Variants in SHISA9 observed in about 807,000 individuals in gnomAD.
SHISA9 encodes the protein protein shisa-9.
Under a neutral mutation model 38.0 loss-of-function variants are expected in SHISA9, and 13 were observed. The ratio of observed to expected loss-of-function variants is 0.34; its 90% CI spans 0.22 to 0.54. The LOEUF is 0.54. SHISA9 is among the 20% of genes least tolerant of loss of function. The pLI, the probability that SHISA9 is intolerant of heterozygous loss-of-function variation, is 0.91. For missense variants in SHISA9, 538 were observed against 575.8 expected (o/e 0.93, Z 0.67); for synonymous variants, 275 against 242.0 (o/e 1.14, Z -1.27).
intron 2 of SHISA9, among the ~76,000 whole-genome samples, chr16:13,192,694 T>C (rs1474656435): frequency 1.3e-5 from 2 of 152,002 alleles, no homozygotes; most frequent in African/African-American, 4.8e-5. Context: ...ACTAACACGG[T>C]GAAACCCCAT....
chr16:13,113,033 A>G (rs928486557), intron 2 of SHISA9, among the ~76,000 whole-genome samples: 1 of 151,780 alleles, frequency 6.6e-6, no homozygotes, highest in African/African-American at 2.4e-5. Flanking sequence ...AACATGGTAA[A>G]ACCCCATCTC....
the SHISA9 span, among the ~76,000 whole-genome samples, chr16:13,342,792 C>T: frequency 6.6e-6 from 1 of 152,172 alleles, no homozygotes; most frequent in Non-Finnish European, 1.5e-5. Flanking sequence ...GCCATCTACT[C>T]AATGTTCTTG....
chr16:13,028,597 C>G (rs774473438), intron 2 of SHISA9, among the ~76,000 whole-genome samples: 4 of 152,150 alleles, frequency 2.6e-5, no homozygotes, highest in Non-Finnish European at 5.9e-5. Context: ...TCAATTATCT[C>G]CTACCGGGTC....
the SHISA9 span, among the ~76,000 whole-genome samples, chr16:13,546,139 A>G: frequency 6.6e-6 from 1 of 152,208 alleles, no homozygotes. Flanking sequence ...AAAGGAAATC[A>G]GTAATCAGAA....
At chr16:12,951,656 G>GA (rs563543430) in intron 2 of SHISA9, among the ~76,000 whole-genome samples, 197 of 152,256 alleles carry the variant, frequency 1.3e-3, no homozygotes, top group African/African-American at 4.5e-3. Flanking sequence ...CACCTGCCTG[G>GA]TAAAAGGATC....
the SHISA9 span, among the ~76,000 whole-genome samples, chr16:13,486,535 A>G: frequency 3.9e-5 from 6 of 152,216 alleles, no homozygotes; most frequent in South Asian, 1.0e-3. Context: ...TCGCCAACAC[A>G]TTTTTACTCC....
chr16:13,510,757 T>C, the SHISA9 span, among the ~76,000 whole-genome samples: 4 of 152,080 alleles, frequency 2.6e-5, no homozygotes, highest in African/African-American at 9.7e-5. Flanking sequence ...CTTTATTCTG[T>C]GTAGTTTATT....
At chr16:13,253,384 A>T in the SHISA9 span, among the ~76,000 whole-genome samples, 1 of 152,132 alleles carries the variant, frequency 6.6e-6, no homozygotes, top group East Asian at 1.9e-4. Flanking sequence ...CAAAGGTACA[A>T]GGGAGATGGC....
chr16:13,032,504 G>C (rs1300756127), intron 2 of SHISA9, among the ~76,000 whole-genome samples: 1 of 152,106 alleles, frequency 6.6e-6, no homozygotes, highest in Non-Finnish European at 1.5e-5. Flanking sequence ...TTTGAATGGT[G>C]TGCCCCTAAC....
In SHISA9 at chr16:13,235,112, C is replaced by T. The variant is rs1013951152; in HGVS notation, c.978C>T (p.Pro326=). ...LAAKGNLPLH[P]VRVEDEPRAF... ...CCAAGGGGAACTTACCTCTGCACCC[C>T]GTAAGAGTGGAGGACGAGCCCCGGG... Residue 326 remains proline, a synonymous_variant, in exon 5 of 5, where the codon CCC becomes CCT. Coordinates refer to ENST00000558583, the MANE Select transcript of SHISA9 (RefSeq NM_001145204.3). 96 of 1,551,538 alleles carry T rather than the reference C, an allele frequency of 6.2e-5. No homozygotes were observed. The highest frequency in any genetic ancestry group is 7.9e-5 in the Non-Finnish European group (91 of 1,146,994).
In SHISA9 at chr16:13,168,711, A is replaced by G. The variant is rs150275219; in HGVS notation, c.692-34683A>G. On this transcript the variant is annotated intron_variant, in intron 2 of 4. Transcript: ENST00000558583. ...ATCTCATCAGCACCTAGTTTCTCGTATTCTGCATTCTCTAGCAGGCTAGGA... is the reference window on the plus strand; with the variant it reads ...ATCTCATCAGCACCTAGTTTCTCGTGTTCTGCATTCTCTAGCAGGCTAGGA... Among the ~76,000 whole-genome samples the G allele has an allele frequency of 1.8e-4, 27 of 152,346 alleles. No homozygotes were observed. In the East Asian group the frequency reaches 5.0e-3, roughly 28 times the overall value.
chr16:12,982,455 G>A (rs2072251586), intron 2 of SHISA9, among the ~76,000 whole-genome samples: 2 of 152,172 alleles, frequency 1.3e-5, no homozygotes, highest in African/African-American at 4.8e-5. Context: ...TCTTAGTGCA[G>A]AAAGTCATTC....
At chr16:13,126,944 G>A (rs1489265274) in intron 2 of SHISA9, among the ~76,000 whole-genome samples, 1 of 145,918 alleles carries the variant, frequency 6.9e-6, no homozygotes, top group South Asian at 2.3e-4. Context: ...GGGAGAGAGA[G>A]CTGAGGGAAG....
At chr16:12,905,451 C>T (rs915759218) in intron 1 of SHISA9, among the ~76,000 whole-genome samples, 5 of 152,060 alleles carry the variant, frequency 3.3e-5, no homozygotes, top group Admixed American at 1.3e-4. Flanking sequence ...ACAACCCCCA[C>T]TCCCCTAATG....
At position 12,909,390 on chromosome 16, in the gene SHISA9, G is replaced by A. The variant is rs2071149596; in HGVS notation, c.563+6763G>A. 4 of 985,288 alleles carry A rather than the reference G, an allele frequency of 4.1e-6. No individual in the cohort carries two copies. In the South Asian group the frequency reaches 1.4e-4, roughly 35 times the overall value. 61.0% of individuals were successfully genotyped at this position (985,288 alleles called of 1,614,324 possible). A position where few individuals can be genotyped will look rare whatever the true frequency, so the allele number is the denominator to read the frequency against. ...CTTCTTGTGCAAGAAGAAGTGCTCA[G>A]GAACTCTATTCAAGTGTTTAAAAGT... On this transcript the variant is annotated intron_variant, in intron 1 of 4. Coordinates refer to ENST00000558583, the MANE Select transcript of SHISA9 (RefSeq NM_001145204.3).
At chr16:13,513,228 AT>A in the SHISA9 span, among the ~76,000 whole-genome samples, 14 of 152,164 alleles carry the variant, frequency 9.2e-5, no homozygotes, top group African/African-American at 3.4e-4. Context: ...AAAAGAAGAC[AT>A]TTATGCAGCC....
the SHISA9 span, among the ~76,000 whole-genome samples, chr16:13,329,026 C>G: frequency 1.3e-5 from 2 of 152,086 alleles, no homozygotes. Context: ...CTGCCTGGGA[C>G]TAGGCAGGTT....
In SHISA9 at chr16:13,148,718, C is replaced by CACACACACACAT. The variant is rs1555465949; in HGVS notation, c.692-54675_692-54674insCACACACACATA. On this transcript the variant is annotated intron_variant, in intron 2 of 4. Transcript: ENST00000558583. ...ACACACACACACACACACACACACA[C>CACACACACACAT]ATCATGACTATACCCTGCATATAGA... Among the ~76,000 whole-genome samples the CACACACACACAT allele has an allele frequency of 1.4e-3, 207 of 150,038 alleles. 1 individual carries two copies. Among genetic ancestry groups the CACACACACACAT allele is most frequent in the African/African-American group, 4.0e-3 (164 of 40,530 alleles).
intron 2 of SHISA9, among the ~76,000 whole-genome samples, chr16:13,065,989 G>T (rs1277989339): frequency 1.3e-5 from 2 of 152,174 alleles, no homozygotes; most frequent in Non-Finnish European, 2.9e-5. Flanking sequence ...GAAAGGCTAG[G>T]GTTCAAACCC....
Sources: gnomAD v4.1 joint callset for allele counts (sites outside exome capture counted in the v4.1 genomes callset) on GRCh38, gnomAD v4.1.1 for gene constraint, MANE v1.5 for transcripts, NCBI Gene and HGNC (gene_info 2026-07-23, HGNC 2026-07-21) for gene names.